Variants in RSRC1 observed in about 807,000 individuals in gnomAD.
The protein encoded by RSRC1 is arginine and serine rich coiled-coil 1.
In RSRC1, 39 loss-of-function variants were observed where a neutral mutation model predicts 49.1. The ratio of observed to expected loss-of-function variants is 0.79; its 90% CI spans 0.61 to 1.04. The LOEUF is 1.04. Ranked by LOEUF, RSRC1 falls within the 50% of genes least tolerant of loss-of-function variation. The probability of loss-of-function intolerance (pLI) is 0.00; values close to 1 mark genes in which losing one functional copy is unlikely to be tolerated. For synonymous variants in RSRC1, 143 were observed against 130.8 expected, an observed-to-expected ratio of 1.09 and a Z score of -0.63; for missense variants, 388 against 402.4, an observed-to-expected ratio of 0.96 and a Z score of 0.31.
chr3:158,254,168 A>C (rs1578247981), intron 4 of RSRC1, among the ~76,000 whole-genome samples: 1 of 152,138 alleles, frequency 6.6e-6, no homozygotes, highest in Admixed American at 6.5e-5. Flanking sequence ...TCTATCATTG[A>C]TGGACATTTG....
chr3:158,218,563 T>C (rs533501893), intron 4 of RSRC1, among the ~76,000 whole-genome samples: 26 of 151,710 alleles, frequency 1.7e-4, no homozygotes, highest in Admixed American at 1.3e-3. Flanking sequence ...ATACTGAGTT[T>C]GAGGATCTTT....
At chr3:158,507,618 TTGATGGCCTGTCTTATGTATGAAATAAAA>T (rs1476435021) in intron 7 of RSRC1, among the ~76,000 whole-genome samples, 1 of 152,182 alleles carries the variant, frequency 6.6e-6, no homozygotes, top group African/African-American at 2.4e-5. Context: ...ATCTTGAAAG[TTGATGGCCTGTCTTATGTATGAAATAAAA>T]TGTGACAATT....
intron 4 of RSRC1, among the ~76,000 whole-genome samples, chr3:158,224,232 A>G (rs1460477896): frequency 1.3e-5 from 2 of 151,878 alleles, no homozygotes; most frequent in Non-Finnish European, 2.9e-5. Context: ...TTCATTTCTT[A>G]AGATAAAATT....
chr3:158,217,316 A>G (rs540802292), intron 4 of RSRC1, among the ~76,000 whole-genome samples: 48 of 151,816 alleles, frequency 3.2e-4, no homozygotes, highest in African/African-American at 1.1e-3. Context: ...TGTGGGTTCT[A>G]GCGTTGGCTC....
At chr3:158,364,932 C>A (rs1341953130) in intron 6 of RSRC1, among the ~76,000 whole-genome samples, 3 of 150,800 alleles carry the variant, frequency 2.0e-5, no homozygotes, top group Admixed American at 1.3e-4. Flanking sequence ...ATAATGTGTA[C>A]CTTATAGAGA....
intron 7 of RSRC1, among the ~76,000 whole-genome samples, chr3:158,512,308 G>T (rs1740234125): frequency 7.0e-6 from 1 of 142,712 alleles, no homozygotes; most frequent in Non-Finnish European, 1.5e-5. Context: ...GTAAGGAAGG[G>T]ATCCAGTTTC....
intron 4 of RSRC1, among the ~76,000 whole-genome samples, chr3:158,211,589 A>T (rs554662966): frequency 1.3e-5 from 2 of 152,118 alleles, no homozygotes; most frequent in South Asian, 4.1e-4. Flanking sequence ...TAATCTATGG[A>T]GTCTAAAAAT....
intron 6 of RSRC1, among the ~76,000 whole-genome samples, chr3:158,411,510 CT>C (rs57004919): frequency 4.0e-5 from 6 of 149,484 alleles, no homozygotes; most frequent in African/African-American, 4.9e-5. Flanking sequence ...TCTACTTTCT[CT>C]TTTTTTTTTG....
chr3:158,124,607 C>G (rs1385517746), intron 3 of RSRC1, among the ~76,000 whole-genome samples: 1 of 151,974 alleles, frequency 6.6e-6, no homozygotes, highest in Non-Finnish European at 1.5e-5. Flanking sequence ...GTTAGTTATA[C>G]GTCTGTTAAG....
chr3:158,262,622 A>C (rs997957449), intron 4 of RSRC1, among the ~76,000 whole-genome samples: 1 of 152,096 alleles, frequency 6.6e-6, no homozygotes, highest in Admixed American at 6.6e-5. Context: ...TTTTATTAGG[A>C]TTGAATTGAG....
At chr3:158,234,320 C>T (rs776430369) in intron 4 of RSRC1, among the ~76,000 whole-genome samples, 3 of 152,036 alleles carry the variant, frequency 2.0e-5, no homozygotes, top group Non-Finnish European at 2.9e-5. Context: ...AAAGGTTAAA[C>T]TGATAATCAG....
chr3:158,255,382 T>C (rs1425886247), intron 4 of RSRC1, among the ~76,000 whole-genome samples: 3 of 152,166 alleles, frequency 2.0e-5, no homozygotes, highest in African/African-American at 4.8e-5. Context: ...TGTAGATGTG[T>C]TGTGTTATTT....
chr3:158,299,856 T>C (rs1727439465), intron 5 of RSRC1, among the ~76,000 whole-genome samples: 1 of 152,202 alleles, frequency 6.6e-6, no homozygotes, highest in Admixed American at 6.5e-5. Context: ...TGCCTTCGGC[T>C]GCCCAGAAAG....
At chr3:158,308,693 C>G (rs543361890) in intron 5 of RSRC1, among the ~76,000 whole-genome samples, 2 of 151,836 alleles carry the variant, frequency 1.3e-5, no homozygotes, top group East Asian at 3.9e-4. Context: ...TTACTGTATG[C>G]GCTTAATCTT....
chr3:158,117,551 C>A (rs1350853700), intron 1 of RSRC1, among the ~76,000 whole-genome samples: 2 of 152,130 alleles, frequency 1.3e-5, no homozygotes, highest in Non-Finnish European at 2.9e-5. Flanking sequence ...TTCGGCCTGC[C>A]AAAGTGCTGA....
At chr3:158,343,238 A>G (rs1730355933) in intron 5 of RSRC1, among the ~76,000 whole-genome samples, 1 of 152,182 alleles carries the variant, frequency 6.6e-6, no homozygotes, top group Non-Finnish European at 1.5e-5. Flanking sequence ...TAGTGGGGGG[A>G]AATTACAGAT....
chr3:158,440,192 T>C (rs1578480880), intron 6 of RSRC1, among the ~76,000 whole-genome samples: 1 of 52,312 alleles, frequency 1.9e-5, no homozygotes, highest in East Asian at 4.3e-4. Flanking sequence ...TTGGAAAAAG[T>C]TCTTCGTGTT....
At chr3:158,114,563 A>G (rs1308893733) in intron 1 of RSRC1, among the ~76,000 whole-genome samples, 1 of 152,116 alleles carries the variant, frequency 6.6e-6, no homozygotes, top group Non-Finnish European at 1.5e-5. Flanking sequence ...TGATGGGAAT[A>G]GCATTGAATC....
chr3:158,253,614 C>T (rs1465418423), intron 4 of RSRC1, among the ~76,000 whole-genome samples: 1 of 151,992 alleles, frequency 6.6e-6, no homozygotes, highest in Non-Finnish European at 1.5e-5. Context: ...TTCAAATTTT[C>T]TTTGTTGATT....
Sources: allele counts gnomAD v4.1 joint callset (sites outside exome capture counted in the v4.1 genomes callset), GRCh38; gene constraint gnomAD v4.1.1; transcripts MANE v1.5; gene names NCBI Gene and HGNC (gene_info 2026-07-23, HGNC 2026-07-21).